DLGAP2: variants seen among roughly 807,000 people sequenced by gnomAD.
DLGAP2 encodes the protein DLG associated protein 2.
A neutral mutation model predicts 100.3 loss-of-function variants in DLGAP2; 26 were observed. That is an observed-to-expected ratio of 0.26 (90% CI 0.19 to 0.36). DLGAP2 has a LOEUF of 0.36. Ranked by LOEUF, DLGAP2 falls within the 10% of genes least tolerant of loss-of-function variation. The probability of loss-of-function intolerance (pLI) is 1.00; values close to 1 mark genes in which losing one functional copy is unlikely to be tolerated. For synonymous variants in DLGAP2, 886 were observed against 630.1 expected (o/e 1.41, Z -6.08); for missense variants, 1,858 against 1,453.2 (o/e 1.28, Z -4.53).
chr8:1,215,377 T>A (rs1798193145), intron 2 of DLGAP2, among the ~76,000 whole-genome samples: 1 of 152,206 alleles, frequency 6.6e-6, no homozygotes, highest in African/African-American at 2.4e-5. Context: ...ATCGTGCAGG[T>A]TGAGAGTGGT....
intron 3 of DLGAP2, among the ~76,000 whole-genome samples, chr8:1,285,608 C>T (rs1235569726): frequency 6.6e-6 from 1 of 152,186 alleles, no homozygotes; most frequent in Non-Finnish European, 1.5e-5. Context: ...ATACAATAAT[C>T]ACTGCTTTTT....
chr8:1,671,162 G>A (rs923169840), intron 10 of DLGAP2, among the ~76,000 whole-genome samples: 1 of 152,196 alleles, frequency 6.6e-6, no homozygotes, highest in Non-Finnish European at 1.5e-5. Flanking sequence ...GCCGAGACTG[G>A]AGCCTGCACT....
At chr8:1,094,003 C>CGGTG (rs1430397765) in intron 2 of DLGAP2, among the ~76,000 whole-genome samples, 12 of 108,414 alleles carry the variant, frequency 1.1e-4, no homozygotes, top group Non-Finnish European at 1.4e-4. Flanking sequence ...GGCAGCTCCC[C>CGGTG]GGTGGAGGGA....
At chr8:885,298 C>G (rs1350063218) in intron 1 of DLGAP2, among the ~76,000 whole-genome samples, 1 of 152,086 alleles carries the variant, frequency 6.6e-6, no homozygotes, top group Non-Finnish European at 1.5e-5. Context: ...CTCTCATTTC[C>G]TTGAGCAGTG....
chr8:1,478,149 C>G (rs913414940), intron 3 of DLGAP2, among the ~76,000 whole-genome samples: 3 of 152,176 alleles, frequency 2.0e-5, no homozygotes, highest in Non-Finnish European at 2.9e-5. Context: ...TTTTTTAAAT[C>G]TGGGTGTCTG....
intron 2 of DLGAP2, among the ~76,000 whole-genome samples, chr8:1,255,008 T>TGTGTCTGTGCTCTCTCCTGCCC (rs1563043352): frequency 6.2e-4 from 21 of 33,932 alleles, no homozygotes; most frequent in African/African-American, 2.4e-3. Context: ...TCATCCTGCT[T>TGTGTCTGTGCTCTCTCCTGCCC]GGGCGCTGTG....
chr8:767,174 C>G (rs558087764), intron 1 of DLGAP2, among the ~76,000 whole-genome samples: 12 of 152,174 alleles, frequency 7.9e-5, no homozygotes, highest in African/African-American at 2.6e-4. Context: ...ATCCACGGCT[C>G]CGCTTCTTCC....
chr8:1,144,688 G>GT lies in DLGAP2; in HGVS notation c.74-114162dup, dbSNP rs1349486869. Among the ~76,000 whole-genome samples the GT allele has an allele frequency of 2.0e-5, 3 of 152,264 alleles. No individual in the cohort carries two copies. In the East Asian group the frequency reaches 5.9e-4, roughly 30 times the overall value. On this transcript the variant is annotated intron_variant, in intron 2 of 14. Transcript: ENST00000637795. ...CCTGTGTGCTGTGAATACAGGCCCT[G>GT]TCTGCAGTTTTACTTTTGGCTGAAG...
At chr8:1,570,012 A>G (rs1802590893) in intron 6 of DLGAP2, among the ~76,000 whole-genome samples, 1 of 152,202 alleles carries the variant, frequency 6.6e-6, no homozygotes, top group Admixed American at 6.5e-5. Flanking sequence ...GAGAGAAAGG[A>G]AGAAAACGGC....
intron 2 of DLGAP2, among the ~76,000 whole-genome samples, chr8:1,129,862 C>G (rs1796249006): frequency 6.6e-6 from 1 of 152,080 alleles, no homozygotes; most frequent in East Asian, 1.9e-4. Flanking sequence ...GGCCTTGGAC[C>G]CCCAGGACCA....
intron 2 of DLGAP2, among the ~76,000 whole-genome samples, chr8:1,062,375 C>T (rs1803110815): frequency 6.6e-6 from 1 of 152,232 alleles, no homozygotes; most frequent in South Asian, 2.1e-4. Context: ...TCTTGGCCTG[C>T]TTCTCTCGCA....
chr8:930,031 C>G (rs946938334), intron 2 of DLGAP2, among the ~76,000 whole-genome samples: 2 of 152,050 alleles, frequency 1.3e-5, no homozygotes, highest in African/African-American at 2.4e-5. Context: ...CCTGCTCATC[C>G]TGATTCATGA....
intron 12 of DLGAP2, among the ~76,000 whole-genome samples, chr8:1,691,302 C>A (rs899764090): frequency 3.3e-5 from 5 of 152,150 alleles, no homozygotes; most frequent in African/African-American, 1.2e-4. Context: ...AAGTTTCTCC[C>A]AGTACCCAAG....
At chr8:807,980 TCA>T (rs1479027755) in intron 1 of DLGAP2, among the ~76,000 whole-genome samples, 10 of 152,178 alleles carry the variant, frequency 6.6e-5, no homozygotes, top group Non-Finnish European at 1.2e-4. Flanking sequence ...TCTAAGCAAG[TCA>T]TGCTACTAAG....
chr8:1,273,523 C>G (rs969074767), intron 3 of DLGAP2, among the ~76,000 whole-genome samples: 1 of 152,270 alleles, frequency 6.6e-6, no homozygotes. Flanking sequence ...TTCACGTGCT[C>G]AAGTGTGGAT....
chr8:1,342,421 A>C (rs927668535), intron 3 of DLGAP2, among the ~76,000 whole-genome samples: 2 of 152,212 alleles, frequency 1.3e-5, no homozygotes, highest in African/African-American at 4.8e-5. Context: ...ATTGTAGTGT[A>C]CATAGTGTTG....
At chr8:1,260,107 G>A (rs1799315948) in intron 3 of DLGAP2, among the ~76,000 whole-genome samples, 1 of 152,168 alleles carries the variant, frequency 6.6e-6, no homozygotes, top group Non-Finnish European at 1.5e-5. Flanking sequence ...TCTGGGTGTG[G>A]CAGAGGCCGC....
intron 5 of DLGAP2, among the ~76,000 whole-genome samples, chr8:1,559,964 C>T (rs528749415): frequency 1.2e-4 from 18 of 152,354 alleles, no homozygotes; most frequent in African/African-American, 4.1e-4. Context: ...ACCTTCAACA[C>T]GTGTCCCCTC....
intron 3 of DLGAP2, among the ~76,000 whole-genome samples, chr8:1,260,336 G>C (rs933618446): frequency 2.0e-5 from 3 of 151,966 alleles, no homozygotes; most frequent in Non-Finnish European, 4.4e-5. Context: ...GTGTGTGAGA[G>C]AAATTGTGAA....
Sources: allele counts gnomAD v4.1 joint callset (sites outside exome capture counted in the v4.1 genomes callset), GRCh38; gene constraint gnomAD v4.1.1; transcripts MANE v1.5; gene names NCBI Gene and HGNC (gene_info 2026-07-23, HGNC 2026-07-21).